DGKG: variants seen among roughly 807,000 people sequenced by gnomAD.
DGKG encodes the protein diacylglycerol kinase gamma, also known as DAG kinase gamma.
DGKG carries 78 observed loss-of-function variants against 105.3 expected under a neutral mutation model. The ratio of observed to expected loss-of-function variants is 0.74; its 90% CI spans 0.62 to 0.89. DGKG has a LOEUF of 0.89. DGKG is among the 40% of genes least tolerant of loss of function. The pLI is 0.00. For synonymous variants in DGKG, 346 were observed against 367.1 expected, an observed-to-expected ratio of 0.94 and a Z score of 0.66; for missense variants, 958 against 1,020.1, an observed-to-expected ratio of 0.94 and a Z score of 0.83.
intron 21 of DGKG, among the ~76,000 whole-genome samples, chr3:186,197,613 C>G (rs1013057086): frequency 3.3e-5 from 5 of 152,280 alleles, no homozygotes; most frequent in Admixed American, 6.5e-5. Flanking sequence ...TGTGAATTAG[C>G]TTGGCAGGTT....
chr3:186,215,053 G>A (rs1719209530), intron 20 of DGKG, among the ~76,000 whole-genome samples: 2 of 152,208 alleles, frequency 1.3e-5, no homozygotes, highest in South Asian at 2.1e-4. Flanking sequence ...GCTAGGTAAG[G>A]CTGGAGGCAG....
At chr3:186,344,062 T>G (rs1401998805) in intron 1 of DGKG, among the ~76,000 whole-genome samples, 1 of 152,218 alleles carries the variant, frequency 6.6e-6, no homozygotes, top group Non-Finnish European at 1.5e-5. Flanking sequence ...ATGGTTATTA[T>G]TAAAAAGTTC....
intron 1 of DGKG, among the ~76,000 whole-genome samples, chr3:186,357,776 A>G (rs1292754424): frequency 6.6e-6 from 1 of 152,176 alleles, no homozygotes; most frequent in Non-Finnish European, 1.5e-5. Context: ...CGAGACAGAC[A>G]TAGACACACA....
chr3:186,350,513 T>C (rs1726578639), intron 1 of DGKG, among the ~76,000 whole-genome samples: 1 of 152,244 alleles, frequency 6.6e-6, no homozygotes, highest in African/African-American at 2.4e-5. Context: ...GGGTTGCTTT[T>C]ATCTCTTAGC....
chr3:186,344,237 A>G (rs1173618618), intron 1 of DGKG, among the ~76,000 whole-genome samples: 7 of 152,256 alleles, frequency 4.6e-5, no homozygotes, highest in African/African-American at 1.7e-4. Flanking sequence ...ATTACTGGGT[A>G]TGTACCCAGA....
chr3:186,283,581 G>A (rs1292926370), intron 7 of DGKG, among the ~76,000 whole-genome samples: 1 of 152,078 alleles, frequency 6.6e-6, no homozygotes, highest in Non-Finnish European at 1.5e-5. Flanking sequence ...CCTGACACAT[G>A]TTTTTACTAT....
chr3:186,327,946 G>A (rs1725427500), intron 1 of DGKG, among the ~76,000 whole-genome samples: 1 of 152,034 alleles, frequency 6.6e-6, no homozygotes, highest in Non-Finnish European at 1.5e-5. Context: ...TTTACCTGTG[G>A]TAATAACTCA....
chr3:186,260,348 C>T (rs973139817), intron 16 of DGKG, 91 bp downstream of exon 16: 28 of 930,754 alleles, frequency 3.0e-5, no homozygotes, highest in Admixed American at 1.3e-4. Context: ...AGTTGAGAGA[C>T]GAAAGAAAAA....
chr3:186,307,229 G>T (rs1052507289), intron 2 of DGKG, among the ~76,000 whole-genome samples: 1 of 152,048 alleles, frequency 6.6e-6, no homozygotes, highest in Admixed American at 6.5e-5. Flanking sequence ...ACCATTCAAG[G>T]GCTTTCTGTT....
At chr3:186,207,538 C>G in intron 21 of DGKG, 2 of 978,544 alleles carry the variant, frequency 2.0e-6, no homozygotes, top group Non-Finnish European at 2.4e-6. Context: ...CATAAAAAAA[C>G]AAAAACAAAA....
chr3:186,312,122 CAAAAAAAAAAAAAAAAAAAAAAA>C (rs34286105), intron 2 of DGKG, among the ~76,000 whole-genome samples: 1,518 of 17,488 alleles, frequency 0.087, 62 homozygotes, highest in Admixed American at 0.12. Flanking sequence ...GACTCCGTCT[CAAAAAAAAAAAAAAAAAAAAAAA>C]AAAAAAAAAA....
intron 1 of DGKG, among the ~76,000 whole-genome samples, chr3:186,336,244 T>G (rs998710930): frequency 6.6e-6 from 1 of 152,168 alleles, no homozygotes; most frequent in African/African-American, 2.4e-5. Context: ...CGAAGGGTGA[T>G]CCCAAGCGTA....
intron 21 of DGKG, among the ~76,000 whole-genome samples, chr3:186,199,933 G>C (rs943816285): frequency 6.6e-6 from 1 of 152,328 alleles, no homozygotes; most frequent in South Asian, 2.1e-4. Context: ...TCATGCATGA[G>C]ATGCAAGTGA....
At chr3:186,211,002 C>T (rs1719010790) in intron 21 of DGKG, among the ~76,000 whole-genome samples, 1 of 152,018 alleles carries the variant, frequency 6.6e-6, no homozygotes, top group Admixed American at 6.6e-5. Flanking sequence ...GGAGCGAAGC[C>T]CAGCCAACGT....
chr3:186,242,686 G>C, intron 19 of DGKG, 118 bp from the exon 20 acceptor site: 1 of 770,184 alleles, frequency 1.3e-6, no homozygotes, highest in Non-Finnish European at 2.0e-6. Flanking sequence ...TCTATCTATC[G>C]CATGGTGGGG....
At chr3:186,335,841 G>A (rs148588478) in intron 1 of DGKG, among the ~76,000 whole-genome samples, 226 of 152,262 alleles carry the variant, frequency 1.5e-3, no homozygotes, top group Non-Finnish European at 2.4e-3. Flanking sequence ...GACATTTGTG[G>A]CAGCACTGTT....
At chr3:186,270,801 T>C (rs1376794382) in intron 11 of DGKG, among the ~76,000 whole-genome samples, 1 of 152,180 alleles carries the variant, frequency 6.6e-6, no homozygotes, top group East Asian at 1.9e-4. Flanking sequence ...CCCATTCTCT[T>C]TGGGATCTGA....
At chr3:186,302,993 AG>A (rs1218675944) in intron 3 of DGKG, among the ~76,000 whole-genome samples, 2 of 152,108 alleles carry the variant, frequency 1.3e-5, no homozygotes, top group African/African-American at 4.8e-5. Flanking sequence ...TTCAGTGATG[AG>A]CCCCAGCGAG....
chr3:186,233,624 C>T (rs1006409704), intron 20 of DGKG, among the ~76,000 whole-genome samples: 2 of 152,150 alleles, frequency 1.3e-5, no homozygotes, highest in African/African-American at 2.4e-5. Context: ...GGACTACAGG[C>T]GCCCACCACC....
Sources: gnomAD v4.1 joint callset for allele counts (sites outside exome capture counted in the v4.1 genomes callset) on GRCh38, gnomAD v4.1.1 for gene constraint, MANE v1.5 for transcripts, NCBI Gene and HGNC (gene_info 2026-07-23, HGNC 2026-07-21) for gene names.